ZNF233: variants seen among roughly 807,000 people sequenced by gnomAD.
The protein encoded by ZNF233 is zinc finger protein 233.
A neutral mutation model predicts 11.6 loss-of-function variants in ZNF233; 7 were observed. That is an observed-to-expected ratio of 0.60 (90% confidence interval 0.34 to 1.13). The LOEUF (loss-of-function observed/expected upper bound fraction) is 1.13. ZNF233 is among the 50% of genes most tolerant of loss of function. The probability of loss-of-function intolerance (pLI) is 0.03; values close to 1 mark genes in which losing one functional copy is unlikely to be tolerated. For missense variants in ZNF233, 711 were observed against 785.5 expected, an observed-to-expected ratio of 0.91 and a Z score of 1.13; for synonymous variants, 226 against 268.5, an observed-to-expected ratio of 0.84 and a Z score of 1.55.
intron 4 of ZNF233, among the ~76,000 whole-genome samples, chr19:44,271,195 C>A (rs1481538058): frequency 6.6e-6 from 1 of 152,152 alleles, no homozygotes; most frequent in African/African-American, 2.4e-5. Flanking sequence ...TCAAATCTAG[C>A]TCATCAAATG....
At chr19:44,263,540 C>T (rs770853066) in intron 1 of ZNF233, among the ~76,000 whole-genome samples, 10 of 152,118 alleles carry the variant, frequency 6.6e-5, no homozygotes, top group Non-Finnish European at 8.8e-5. Context: ...TATTTCCTTA[C>T]GACAGTGAGC....
chr19:44,265,408 CA>C (rs1354179658), intron 2 of ZNF233, among the ~76,000 whole-genome samples: 3 of 131,022 alleles, frequency 2.3e-5, no homozygotes, highest in African/African-American at 5.7e-5. Context: ...CACACACACA[CA>C]CCACGGTTTC....
Position 44,274,489 on chromosome 19 carries a change from A to G in ZNF233, c.1829A>G (p.His610Arg). 1 of 1,614,096 alleles carries G rather than the reference A, an allele frequency of 6.2e-7. No homozygotes were observed. Among genetic ancestry groups the G allele is most frequent in the Non-Finnish European group, 8.5e-7 (1 of 1,179,984 alleles). ...ATCTGGAACTCATATCTTCATGTTC[A>G]TCAGAGGATCCACACGGGAGAGAAA... Reference protein sequence around the residue: ...GFIWNSYLHVHQRIHTGEKPY... With the variant: ...GFIWNSYLHVRQRIHTGEKPY... The change falls in exon 5 of 5, where the codon CAT becomes CGT. Residue 610 changes from histidine (H) to arginine (R), a missense_variant. By Grantham distance (29) the His-to-Arg change is conservative (BLOSUM62 0). Transcript: ENST00000683810.
At chr19:44,261,785 G>T (rs748169535) in intron 1 of ZNF233, among the ~76,000 whole-genome samples, 3 of 151,420 alleles carry the variant, frequency 2.0e-5, no homozygotes, top group African/African-American at 7.3e-5. Flanking sequence ...CCGAGTAGCT[G>T]GGATTACAGA....
chr19:44,274,906 A>C lies in ZNF233; in HGVS notation c.*233A>C. 2.1e-6 allele frequency: 1 copy of C among 478,640 alleles called. No homozygotes were observed. Among genetic ancestry groups the C allele is most frequent in the African/African-American group, 1.9e-5 (1 of 51,590 alleles). The allele number at this position is 478,640 out of a possible 1,614,324, so 29.6% of individuals were successfully genotyped here. A position where few individuals can be genotyped will look rare whatever the true frequency, so the allele number is the denominator to read the frequency against. On this transcript the variant is annotated 3_prime_UTR_variant, in exon 5 of 5. Transcript: ENST00000683810. ...AAAATGTCACAGTTGTCAAGAGAAC[A>C]CACAACAGAGAAACCCTATAAAGAA...
rs1180641047 is a variant in ZNF233, at chr19:44,273,559, G to T, written c.899G>T (p.Gly300Val). ...GGGAAGGGCATAGGTTACAGCTCAG[G>T]GCTTCCCAGGCATCAGTGTTTCCAC... ...EYGKGIGYSSGLPRHQCFHIG... is the reference protein window; with the variant it reads ...EYGKGIGYSSVLPRHQCFHIG... Residue 300 changes from glycine to valine, a missense_variant, in exon 5 of 5, where the codon GGG becomes GTG. By Grantham distance (109) the Gly-to-Val change is moderately radical (BLOSUM62 -3). Coordinates refer to ENST00000683810, the MANE Select transcript of ZNF233 (RefSeq NM_001207005.2). The T allele has an allele frequency of 6.2e-7, 1 of 1,614,160 alleles. No homozygotes were observed. Among genetic ancestry groups the T allele is most frequent in the South Asian group, 1.1e-5 (1 of 91,084 alleles).
At position 44,273,391 on chromosome 19, in the gene ZNF233, T is replaced by G. The variant is rs1450636319; in HGVS notation, c.731T>G (p.Val244Gly). The change falls in exon 5 of 5, where the codon GTG (valine) becomes GGG (glycine). Residue 244 changes from valine (V) to glycine (G), a missense_variant. Transcript: ENST00000683810. ...CACAATAATTGTGGAAAAGACTGTG[T>G]GAAGGAATCATCCCAGCATAGCATA... ...FSHNNCGKDC[V>G]KESSQHSIIQ... 1 of 1,614,058 alleles carries G rather than the reference T, an allele frequency of 6.2e-7. No individual in the cohort carries two copies. Among genetic ancestry groups the G allele is most frequent in the African/African-American group, 1.3e-5 (1 of 74,920 alleles).
intron 4 of ZNF233, among the ~76,000 whole-genome samples, chr19:44,270,578 A>G (rs566202073): frequency 1.3e-5 from 2 of 152,244 alleles, no homozygotes; most frequent in South Asian, 4.1e-4. Context: ...TATAGTTTCT[A>G]TGGGTTAGGT....
At chr19:44,260,401 C>T (rs1260742805) in intron 1 of ZNF233, among the ~76,000 whole-genome samples, 1 of 152,190 alleles carries the variant, frequency 6.6e-6, no homozygotes, top group Non-Finnish European at 1.5e-5. Context: ...GGCATTCAGT[C>T]TCTGAAAGCT....
rs1417164574 is a variant in ZNF233 at position 44,274,195 on chromosome 19, CAT to C, written c.1536_1537del (p.Cys513TrpfsTer26). 2.5e-6 allele frequency: 4 copies of C among 1,611,566 alleles called. No individual in the cohort carries two copies. Among genetic ancestry groups the C allele is most frequent in the African/African-American group, 2.7e-5 (2 of 74,032 alleles). ...GGAGAGAAACCCTACAAATGTGACACATGTGGGAAGGACTTCAGTCAGATCTC... is the reference window on the plus strand; with the variant it reads ...GGAGAGAAACCCTACAAATGTGACACGTGGGAAGGACTTCAGTCAGATCTC... On this transcript the variant is annotated frameshift_variant, in exon 5 of 5. Transcript: ENST00000683810. LOFTEE classifies it low-confidence loss of function (END_TRUNC).
chr19:44,274,239 C>T lies in ZNF233; in HGVS notation c.1579C>T (p.Gln527Ter). ...TCAGATCTCTCATCTTCAGGCCCATCAGAGAGTTCACAAAGGAGAGAAGCC... is the reference window on the plus strand; with the variant it reads ...TCAGATCTCTCATCTTCAGGCCCATTAGAGAGTTCACAAAGGAGAGAAGCC... Reference protein sequence around the residue: ...FSQISHLQAHQRVHKGEKPYK... With the variant: ...FSQISHLQAH The change falls in exon 5 of 5, where the codon CAG becomes TAG. Residue 527 changes from glutamine to a stop codon, truncating the protein, a stop_gained. Transcript: ENST00000683810. LOFTEE classifies it low-confidence loss of function (END_TRUNC). 6.2e-7 allele frequency: 1 copy of T among 1,609,786 alleles called. No homozygotes were observed. Among genetic ancestry groups the T allele is most frequent in the Non-Finnish European group, 8.5e-7 (1 of 1,176,460 alleles).
chr19:44,265,366 TACACACACACACACACACACACAC>T (rs67044027), intron 2 of ZNF233, among the ~76,000 whole-genome samples: 2 of 133,136 alleles, frequency 1.5e-5, no homozygotes, highest in South Asian at 2.3e-4. Context: ...CATATATATA[TACACACACACACACACACACACAC>T]ACACACACAC....
At chr19:44,271,606 T>G (rs1975237086) in intron 4 of ZNF233, among the ~76,000 whole-genome samples, 1 of 151,726 alleles carries the variant, frequency 6.6e-6, no homozygotes, top group Non-Finnish European at 1.5e-5. Context: ...GCCTCCTGGG[T>G]TCACACCATT....
intron 4 of ZNF233, chr19:44,267,642 A>G (rs942966204): frequency 1.9e-5 from 7 of 376,864 alleles, no homozygotes; most frequent in Non-Finnish European, 3.3e-5. Flanking sequence ...TCAGCCTCCC[A>G]AAGTGTTAGG....
At chr19:44,271,767 T>C (rs189388650) in intron 4 of ZNF233, among the ~76,000 whole-genome samples, 91 of 151,798 alleles carry the variant, frequency 6.0e-4, no homozygotes, top group African/African-American at 2.0e-3. Flanking sequence ...GCCTCGGCCT[T>C]CCAAAGTGCT....
At chr19:44,270,824 C>T (rs1227993592) in intron 4 of ZNF233, among the ~76,000 whole-genome samples, 2 of 152,130 alleles carry the variant, frequency 1.3e-5, no homozygotes. Flanking sequence ...TCTCCCAGAC[C>T]CAGTGATTCA....
At chr19:44,267,548 G>T (rs1323983672) in intron 4 of ZNF233, 17 of 355,638 alleles carry the variant, frequency 4.8e-5, no homozygotes, top group Non-Finnish European at 4.4e-5. Context: ...ATATATACAT[G>T]TTTTTTTTTT....
Position 44,273,650 on chromosome 19 carries a change from A to G in ZNF233, c.990A>G (p.Gln330=), listed in dbSNP as rs1025895209. Residue 330 remains glutamine, a synonymous_variant, in exon 5 of 5, where the codon CAA becomes CAG. Coordinates refer to ENST00000683810, the MANE Select transcript of ZNF233 (RefSeq NM_001207005.2). ...GCTTCAGTCAGGGCTCACATCTGCA[A>G]CCTCATCAGAGAGTCAGCACAGGAG... is the stretch of plus-strand genomic sequence containing the variant. The part of the protein sequence containing the change: ...GEGFSQGSHL[Q]PHQRVSTGEN... 25 of 1,613,944 alleles carry G rather than the reference A, an allele frequency of 1.5e-5. No individual in the cohort carries two copies. The highest frequency in any genetic ancestry group is 2.1e-5 in the Non-Finnish European group (25 of 1,179,982).
intron 2 of ZNF233, among the ~76,000 whole-genome samples, chr19:44,264,695 G>A (rs1975022214): frequency 6.6e-6 from 1 of 152,034 alleles, no homozygotes; most frequent in Non-Finnish European, 1.5e-5. Context: ...TTTACATATT[G>A]TATGTCTTAT....
Sources: gnomAD v4.1 joint callset for allele counts (sites outside exome capture counted in the v4.1 genomes callset) on GRCh38, gnomAD v4.1.1 for gene constraint, MANE v1.5 for transcripts, NCBI Gene and HGNC (gene_info 2026-07-23, HGNC 2026-07-21) for gene names.